The following TFR2 variants were observed in gnomAD, a reference collection of about 807,000 sequenced individuals.
The protein encoded by TFR2 is transferrin receptor protein 2.
In TFR2, 64 loss-of-function variants were observed where a neutral mutation model predicts 91.9. That is an observed-to-expected ratio of 0.70 (90% CI 0.57 to 0.86). The LOEUF (loss-of-function observed/expected upper bound fraction) is 0.86. TFR2 is among the 40% of genes least tolerant of loss of function. The pLI is 0.00. For missense variants in TFR2, 950 were observed against 1,080.5 expected (o/e 0.88, Z 1.69); for synonymous variants, 454 against 459.6 (o/e 0.99, Z 0.15).
chr7:100,627,163 G>T lies in TFR2; in HGVS notation c.1995+101C>A. ...GGTTAATGGGCTGGATTGCCAGAGA[G>T]GACCTAGACCCCAGGGAATGCAGAG... On this transcript the variant is annotated intron_variant, in intron 16 of 17. Coordinates refer to ENST00000223051, the MANE Select transcript of TFR2 (RefSeq NM_003227.4). 5.8e-6 allele frequency: 8 copies of T among 1,374,704 alleles called. No homozygotes were observed. The South Asian group carries it at 8.7e-5, about 15-fold the overall frequency. The allele number at this position is 1,374,704 out of a possible 1,614,324, so 85.2% of individuals were successfully genotyped here. A position where few individuals can be genotyped will look rare whatever the true frequency, so the allele number is the denominator to read the frequency against.
intron 2 of TFR2, 39 bp from the exon 3 acceptor site, chr7:100,640,911 C>T: frequency 1.2e-6 from 2 of 1,613,826 alleles, no homozygotes; most frequent in Non-Finnish European, 8.5e-7. Context: ...TTATGCCCAC[C>T]TCTGGACCCC....
At chr7:100,626,715 G>A in intron 17 of TFR2, 48 bp downstream of exon 17, 1 of 1,533,940 alleles carries the variant, frequency 6.5e-7, no homozygotes, top group Non-Finnish European at 8.7e-7. Context: ...TGGAGCCCCA[G>A]GGGAGGGGCG....
At chr7:100,631,659 A>T (rs1274949590) in intron 8 of TFR2, 147 bp downstream of exon 8, 8 of 1,068,372 alleles carry the variant, frequency 7.5e-6, no homozygotes, top group Non-Finnish European at 9.2e-6. Context: ...TCTGTCTCCC[A>T]GGCTGGAGTG....
At position 100,627,251 on chromosome 7, in the gene TFR2, G is replaced by T; in HGVS notation, c.1995+13C>A. 1.3e-6 allele frequency: 2 copies of T among 1,548,114 alleles called. No individual in the cohort carries two copies. Among genetic ancestry groups the T allele is most frequent in the Non-Finnish European group, 1.7e-6 (2 of 1,146,054 alleles). On this transcript the variant is annotated intron_variant, in intron 16 of 17. Coordinates refer to ENST00000223051, the MANE Select transcript of TFR2 (RefSeq NM_003227.4). ...CACTCCCAGAGACCAAGAGCGGGGTGGGCCTCTTGAACCTTGAGGTCCCCA... is the reference window on the plus strand; with the variant it reads ...CACTCCCAGAGACCAAGAGCGGGGTTGGCCTCTTGAACCTTGAGGTCCCCA...
Position 100,641,190 on chromosome 7 carries a change from C to A in TFR2, c.72G>T (p.Gln24His). 1 of 1,531,846 alleles carries A rather than the reference C, an allele frequency of 6.5e-7. No individual in the cohort carries two copies. The highest frequency in any genetic ancestry group is 8.8e-7 in the Non-Finnish European group (1 of 1,137,302). The allele number at this position is 1,531,846 out of a possible 1,614,324, so 94.9% of individuals were successfully genotyped here. The change falls in exon 2 of 18, where the codon CAG becomes CAT. Residue 24 changes from glutamine (Q) to histidine (H), a missense_variant. Transcript: ENST00000223051. ...GCCCTTTCCGGGGGCCTTCCACACG[C>A]TGGTAGACGGTCTGAGAGGATCTTG... is the stretch of plus-strand genomic sequence containing the variant. Reference protein sequence around the residue: ...LSPRSSQTVYQRVEGPRKGHL... With the variant: ...LSPRSSQTVYHRVEGPRKGHL...
At position 100,640,828 on chromosome 7, in the gene TFR2, A is replaced by G; in HGVS notation, c.331T>C (p.Cys111Arg). The change falls in exon 3 of 18, where the codon TGC becomes CGC. Residue 111 changes from cysteine (C) to arginine (R), a missense_variant. Coordinates refer to ENST00000223051, the MANE Select transcript of TFR2 (RefSeq NM_003227.4). ...YVAFRGSCQA[C>R]GDSVLVVSED... Reference sequence around the variant, plus strand: ...CTGACCACCAACACAGAGTCTCCGCACGCCTGGCAGGACCCTCGGAAGGCG... The same window carrying G: ...CTGACCACCAACACAGAGTCTCCGCGCGCCTGGCAGGACCCTCGGAAGGCG... 1 of 1,614,084 alleles carries G rather than the reference A, an allele frequency of 6.2e-7. No homozygotes were observed. Among genetic ancestry groups the G allele is most frequent in the Non-Finnish European group, 8.5e-7 (1 of 1,180,018 alleles).
At position 100,641,389 on chromosome 7, in the gene TFR2, C is replaced by T. The variant is rs988626465; in HGVS notation, c.33+88G>A. ...GAAGAAGCGAGGTCAGGACACGGTC[C>T]AGGAGGGGCCAGCCTCAGGGGCTTG... On this transcript the variant is annotated intron_variant, in intron 1 of 17. Transcript: ENST00000223051. 5 of 1,570,290 alleles carry T rather than the reference C, an allele frequency of 3.2e-6. No homozygotes were observed. The African/African-American group carries it at 6.8e-5, about 21-fold the overall frequency.
chr7:100,629,496 G>A, intron 9 of TFR2, 124 bp from the exon 10 acceptor site: 1 of 1,563,096 alleles, frequency 6.4e-7, no homozygotes, highest in Non-Finnish European at 8.7e-7. Context: ...AGTCCCTCCA[G>A]TCCCTAAAGA....
At chr7:100,626,624 C>G (rs41295927) in intron 17 of TFR2, 139 bp downstream of exon 17, 2 of 1,471,662 alleles carry the variant, frequency 1.4e-6, no homozygotes, top group South Asian at 1.4e-5. Flanking sequence ...GTGTCCAGGA[C>G]TGGGAAGAGA....
chr7:100,624,610 A>G (rs929304017), intron 17 of TFR2, among the ~76,000 whole-genome samples: 3 of 152,214 alleles, frequency 2.0e-5, no homozygotes, highest in African/African-American at 7.2e-5. Context: ...TCACGCCTGT[A>G]ATCCCAGCAC....
chr7:100,632,625 CTG>C (rs1803476312), intron 6 of TFR2: 1 of 334,582 alleles, frequency 3.0e-6, no homozygotes, highest in Admixed American at 4.5e-5. Context: ...TCATAGCTCA[CTG>C]CAGCCTGGCA....
intron 1 of TFR2, 83 bp from the exon 2 acceptor site, chr7:100,641,311 T>C (rs1382655158): frequency 1.2e-6 from 1 of 817,170 alleles, no homozygotes; most frequent in African/African-American, 3.7e-5. Flanking sequence ...GTCAGTGACT[T>C]GGGGGTGTCA....
Position 100,627,572 on chromosome 7 carries a change from C to T in TFR2, c.1767+5G>A, listed in dbSNP as rs894600504. 1.1e-5 allele frequency: 17 copies of T among 1,614,154 alleles called. No individual in the cohort carries two copies. Among genetic ancestry groups the T allele is most frequent in the African/African-American group, 2.7e-5 (2 of 75,058 alleles). On this transcript the variant is annotated splice_donor_5th_base_variant and intron_variant, in intron 15 of 17. Transcript: ENST00000223051. ...TGTGTCTGGGGCAGGGGGAGGACGT[C>T]TCACCTCCATAAAGGAGAACTCGAC...
At chr7:100,626,613 C>CGTGTCCA in intron 17 of TFR2, 150 bp downstream of exon 17, 1 of 1,456,406 alleles carries the variant, frequency 6.9e-7, no homozygotes, top group Non-Finnish European at 9.1e-7. Context: ...ATGAGCACTG[C>CGTGTCCA]GTGTCCAGGA....
intron 10 of TFR2, among the ~76,000 whole-genome samples, chr7:100,629,014 C>T (rs553727175): frequency 1.2e-4 from 18 of 151,220 alleles, no homozygotes; most frequent in African/African-American, 2.7e-4. Flanking sequence ...CCATCTGCCT[C>T]GGCCTCCCAA....
chr7:100,636,605 T>C (rs1803575528), intron 3 of TFR2, among the ~76,000 whole-genome samples: 1 of 152,000 alleles, frequency 6.6e-6, no homozygotes, highest in Admixed American at 6.6e-5. Flanking sequence ...CAGGATATAT[T>C]GTATCAGGAA....
intron 10 of TFR2, 75 bp downstream of exon 10, chr7:100,629,178 C>G: frequency 6.3e-7 from 1 of 1,591,388 alleles, no homozygotes; most frequent in Non-Finnish European, 8.6e-7. Flanking sequence ...CCCTCACTGC[C>G]TCTCTGCCCT....
Position 100,623,604 on chromosome 7 carries a change from C to G in TFR2, c.2137-2478G>C, listed in dbSNP as rs118102766. ...ACCAGCTTGGGCAATGTATGGAAAC[C>G]CTCATCTCTACAAAAATAAAAATAA... is the stretch of plus-strand genomic sequence containing the variant. On this transcript the variant is annotated intron_variant, in intron 17 of 17. Coordinates refer to ENST00000223051, the MANE Select transcript of TFR2 (RefSeq NM_003227.4). Among the ~76,000 whole-genome samples the G allele has an allele frequency of 4.7e-3, 708 of 152,028 alleles. 2 individuals carry two copies. The highest frequency in any genetic ancestry group is 0.014 in the Middle Eastern group (4 of 294).
chr7:100,632,576 CAG>C (rs1400496785), intron 6 of TFR2, among the ~76,000 whole-genome samples: 2 of 128,188 alleles, frequency 1.6e-5, no homozygotes, highest in Admixed American at 8.5e-5. Context: ...CTTTTTGAGA[CAG>C]AGTCTCTCTT....
Sources: allele counts gnomAD v4.1 joint callset (sites outside exome capture counted in the v4.1 genomes callset), GRCh38; gene constraint gnomAD v4.1.1; transcripts MANE v1.5; gene names NCBI Gene and HGNC (gene_info 2026-07-23, HGNC 2026-07-21).